MGST2: variants seen among roughly 807,000 people sequenced by gnomAD.
MGST2 encodes the protein microsomal glutathione S-transferase 2.
Under a neutral mutation model 16.6 loss-of-function variants are expected in MGST2, and 9 were observed. The observed-to-expected ratio is 0.54, with a 90% confidence interval of 0.33 to 0.95. MGST2 has a LOEUF of 0.95. Among genes scored for constraint, MGST2 ranks in the 40% least tolerant of loss-of-function variants. The pLI is 0.03. For synonymous variants in MGST2, 79 were observed against 68.0 expected, an observed-to-expected ratio of 1.16 and a Z score of -0.79; for missense variants, 159 against 175.1, an observed-to-expected ratio of 0.91 and a Z score of 0.52.
At chr4:139,695,362 C>A in intron 3 of MGST2, 95 bp downstream of exon 3, 1 of 1,068,550 alleles carries the variant, frequency 9.4e-7, no homozygotes, top group Non-Finnish European at 1.4e-6. Context: ...TGGCTCACAC[C>A]TATATTCCCA....
chr4:139,719,102 T>C, intron 5 of MGST2: 1 of 535,690 alleles, frequency 1.9e-6, no homozygotes, highest in Non-Finnish European at 3.2e-6. Context: ...GCAGCCGGGA[T>C]CTGCATGGCG....
At chr4:139,717,280 C>A (rs993008994) in intron 5 of MGST2, 1 of 152,650 alleles carries the variant, frequency 6.6e-6, no homozygotes, top group African/African-American at 2.4e-5. Context: ...GTCTCACTTC[C>A]ATTAGCCACC....
In MGST2 at chr4:139,731,001, G is replaced by C. The variant is rs1420936274; in HGVS notation, c.*49-9211G>C. ...CCAAGGAAAGGGAATAAGCCCTCAG[G>C]CTGAGCTCACCTAAAGTCTGGAACA... On this transcript the variant is annotated intron_variant, in intron 5 of 5. Coordinates refer to the MGST2 transcript ENST00000616265. The C allele has an allele frequency of 1.6e-5, 5 of 308,802 alleles. No individual in the cohort carries two copies. In the Admixed American group the frequency reaches 2.2e-4, roughly 14 times the overall value. The allele number at this position is 308,802 out of a possible 1,614,324, so 19.1% of individuals were successfully genotyped here.
chr4:139,730,987 G>C, intron 5 of MGST2: 1 of 344,186 alleles, frequency 2.9e-6, no homozygotes, highest in Non-Finnish European at 5.4e-6. Flanking sequence ...CAAGGAAAGG[G>C]AATAAGCCCT....
At chr4:139,746,977 G>A in the MGST2 span, among the ~76,000 whole-genome samples, 3 of 152,272 alleles carry the variant, frequency 2.0e-5, no homozygotes, top group Middle Eastern at 6.8e-3. Context: ...GCCACCGGCC[G>A]TGGCTTTCCC....
intron 3 of MGST2, among the ~76,000 whole-genome samples, chr4:139,699,814 G>C (rs2110893788): frequency 6.6e-6 from 1 of 152,228 alleles, no homozygotes; most frequent in East Asian, 1.9e-4. Context: ...TAAGGTGGAG[G>C]GATTGCTTGA....
At chr4:139,673,751 C>T (rs977675273) in intron 1 of MGST2, among the ~76,000 whole-genome samples, 12 of 151,992 alleles carry the variant, frequency 7.9e-5, no homozygotes, top group African/African-American at 2.2e-4. Context: ...CACCATGTTG[C>T]CCAGGCTGGT....
chr4:139,720,250 T>A, intron 5 of MGST2: 1 of 1,602,886 alleles, frequency 6.2e-7, no homozygotes, highest in South Asian at 1.1e-5. Context: ...CTGCGTTCTG[T>A]GCCATCAGCC....
At position 139,678,540 on chromosome 4, in the gene MGST2, C is replaced by A. The variant is rs745920427; in HGVS notation, c.59-3C>A. On this transcript the variant is annotated splice_polypyrimidine_tract_variant and splice_region_variant and intron_variant, in intron 1 of 4. Transcript: ENST00000265498. The stretch of plus-strand genomic sequence containing the variant: ...TTAACGCAACATTTCCCTTTACTTG[C>A]AGGTTATTTTGCTTTGCAAGTTGGA... 1.2e-6 allele frequency: 2 copies of A among 1,612,170 alleles called. No individual in the cohort carries two copies. The highest frequency in any genetic ancestry group is 1.1e-5 in the South Asian group (1 of 91,008).
intron 1 of MGST2, among the ~76,000 whole-genome samples, chr4:139,668,800 A>G (rs914919774): frequency 2.0e-5 from 3 of 151,932 alleles, no homozygotes; most frequent in African/African-American, 7.3e-5. Flanking sequence ...GCCCTGGAGG[A>G]TATTGATAAG....
At chr4:139,751,934 G>A in the MGST2 span, among the ~76,000 whole-genome samples, 2 of 152,168 alleles carry the variant, frequency 1.3e-5, no homozygotes, top group Admixed American at 1.3e-4. Context: ...AGACCTCCAA[G>A]GAGCCTCCAT....
downstream of MGST2, among the ~76,000 whole-genome samples, chr4:139,705,152 G>T (rs1727471881): frequency 6.6e-6 from 1 of 152,126 alleles, no homozygotes; most frequent in South Asian, 2.1e-4. Context: ...CAAAGTGCTG[G>T]GATTCAGGTG....
At chr4:139,719,140 A>C in intron 5 of MGST2, 2 of 626,390 alleles carry the variant, frequency 3.2e-6, no homozygotes, top group South Asian at 2.4e-5. Flanking sequence ...TGTGAAAATC[A>C]GGTGAAATGA....
At chr4:139,739,426 G>A (rs1729075570) in intron 5 of MGST2, among the ~76,000 whole-genome samples, 1 of 152,180 alleles carries the variant, frequency 6.6e-6, no homozygotes, top group South Asian at 2.1e-4. Flanking sequence ...TGAGAGTTAT[G>A]CTTTTCGTCT....
At chr4:139,667,525 T>G (rs1244770106) in intron 1 of MGST2, among the ~76,000 whole-genome samples, 2 of 151,694 alleles carry the variant, frequency 1.3e-5, no homozygotes, top group Non-Finnish European at 2.9e-5. Flanking sequence ...GAGAGGAGAC[T>G]GGGTGAATGA....
intron 2 of MGST2, among the ~76,000 whole-genome samples, chr4:139,691,148 T>C (rs1158075872): frequency 1.3e-5 from 2 of 152,190 alleles, no homozygotes; most frequent in Admixed American, 1.3e-4. Flanking sequence ...TGTTTTCCCA[T>C]GGACAGCCTG....
chr4:139,730,405 G>A, intron 5 of MGST2: 1 of 1,547,410 alleles, frequency 6.5e-7, no homozygotes. Flanking sequence ...TCACGCCAAG[G>A]GGCATGTTAC....
At chr4:139,744,086 T>G (rs750018115), downstream of MGST2, among the ~76,000 whole-genome samples, 1 of 152,184 alleles carries the variant, frequency 6.6e-6, no homozygotes, top group Non-Finnish European at 1.5e-5. Flanking sequence ...TGTAGTCAGA[T>G]GCACAAACAC....
At chr4:139,736,457 G>A (rs1728949871) in intron 5 of MGST2, among the ~76,000 whole-genome samples, 1 of 152,138 alleles carries the variant, frequency 6.6e-6, no homozygotes, top group African/African-American at 2.4e-5. Context: ...GACTCCCAGA[G>A]GTTCAGGCAA....
Sources: allele counts gnomAD v4.1 joint callset (sites outside exome capture counted in the v4.1 genomes callset), GRCh38; gene constraint gnomAD v4.1.1; transcripts MANE v1.5; gene names NCBI Gene and HGNC (gene_info 2026-07-23, HGNC 2026-07-21).